The following THBS2 variants were observed in gnomAD, a reference collection of about 807,000 sequenced individuals.
THBS2 encodes the protein thrombospondin 2.
Under a neutral mutation model 135.2 loss-of-function variants are expected in THBS2, and 47 were observed. That is an observed-to-expected ratio of 0.35 (90% confidence interval 0.28 to 0.44). THBS2 has a LOEUF of 0.44. THBS2 is among the 20% of genes least tolerant of loss of function. The pLI, the probability that THBS2 is intolerant of heterozygous loss-of-function variation, is 1.00. For synonymous variants in THBS2, 639 were observed against 633.8 expected (o/e 1.01, Z -0.12); for missense variants, 1,288 against 1,603.1 (o/e 0.80, Z 3.36).
Position 169,231,483 on chromosome 6 carries a change from C to T in THBS2, c.2151+497G>A, listed in dbSNP as rs80072046. Reference sequence around the variant, plus strand: ...TCCCGGGCCGTGGTGTTCGTTCCAGCGGCCACAGGAAAGCAGTCCAGCCTG... The same window carrying T: ...TCCCGGGCCGTGGTGTTCGTTCCAGTGGCCACAGGAAAGCAGTCCAGCCTG... On this transcript the variant is annotated intron_variant, in intron 13 of 21. Transcript: ENST00000617924. 6.5e-3 allele frequency among the ~76,000 whole-genome samples: 995 copies of T among 152,302 alleles called. 5 individuals carry two copies. Among genetic ancestry groups the T allele is most frequent in the Non-Finnish European group, 0.01 (714 of 68,016 alleles).
chr6:169,237,598 C>T (rs777599249), intron 8 of THBS2, 27 bp downstream of exon 8: 26 of 1,610,110 alleles, frequency 1.6e-5, no homozygotes, highest in South Asian at 8.8e-5. Flanking sequence ...CCCACAGGCA[C>T]GCGGGTGTCA....
chr6:169,237,555 G>A (rs375616796), intron 8 of THBS2, 70 bp downstream of exon 8: 1 of 1,598,538 alleles, frequency 6.3e-7, no homozygotes, highest in Admixed American at 1.7e-5. Flanking sequence ...CCCTTGCAAA[G>A]GTCCCGATGA....
intron 20 of THBS2, 115 bp downstream of exon 20, chr6:169,221,315 C>A: frequency 1.1e-6 from 1 of 873,186 alleles, no homozygotes; most frequent in Non-Finnish European, 1.9e-6. Flanking sequence ...ACGAAGAATC[C>A]AGAGTAAAAC....
At chr6:169,242,675 C>A (rs1438389705) in intron 4 of THBS2, among the ~76,000 whole-genome samples, 1 of 60,534 alleles carries the variant, frequency 1.7e-5, no homozygotes, top group Non-Finnish European at 3.3e-5. Context: ...ACCACTCCCA[C>A]CTTCCCACCT....
intron 9 of THBS2, among the ~76,000 whole-genome samples, chr6:169,236,334 C>T (rs1221228925): frequency 3.4e-5 from 4 of 119,350 alleles, no homozygotes; most frequent in East Asian, 3.4e-4. Context: ...CTCCCCCATC[C>T]ACACTCACTC....
Position 169,225,239 on chromosome 6 carries a change from G to A in THBS2, c.2679C>T (p.Gly893=), listed in dbSNP as rs760152665. The change falls in exon 17 of 22, where the codon GGC becomes GGT. Residue 893 remains glycine (G), a synonymous_variant. Coordinates refer to ENST00000617924, the MANE Select transcript of THBS2 (RefSeq NM_003247.5). ...NQADHDRDGQ[G]DACDPDDDND... ...TGTCATCATCAGGGTCACAGGCGTC[G>A]CCCTGGCCGTCTCTGTCATGGTCAG... 19 of 1,613,596 alleles carry A rather than the reference G, an allele frequency of 1.2e-5. No individual in the cohort carries two copies. Among genetic ancestry groups the A allele is most frequent in the African/African-American group, 5.3e-5 (4 of 74,922 alleles).
At chr6:169,238,355 C>T (rs777836649) in intron 7 of THBS2, among the ~76,000 whole-genome samples, 8 of 152,142 alleles carry the variant, frequency 5.3e-5, no homozygotes, top group Non-Finnish European at 1.2e-4. Flanking sequence ...GGGGAAAGAG[C>T]AACCTGACGC....
In THBS2 at chr6:169,248,816, G is replaced by T; in HGVS notation, c.210C>A (p.Asp70Glu). The stretch of plus-strand genomic sequence containing the variant: ...GCATGATCTTGGTGATCTTGCTGAG[G>T]TCATCTGCGTTCACCGGTGGGATGT... ...FDYIPPVNAD[D>E]LSKITKIMRQ... Residue 70 changes from aspartate to glutamate, a missense_variant, in exon 3 of 22, where the codon GAC becomes GAA. Transcript: ENST00000617924. 4 of 1,610,900 alleles carry T rather than the reference G, an allele frequency of 2.5e-6. No homozygotes were observed. Among genetic ancestry groups the T allele is most frequent in the Non-Finnish European group, 2.5e-6 (3 of 1,180,018 alleles).
At position 169,241,748 on chromosome 6, in the gene THBS2, G is replaced by A. The variant is rs1562362508; in HGVS notation, c.891+14C>T. Reference sequence around the variant, plus strand: ...ATGCCCTATGACCCCCGCGGCCCCTGCGTGAGTACCCACCACTCTCTTGAG... The same window carrying A: ...ATGCCCTATGACCCCCGCGGCCCCTACGTGAGTACCCACCACTCTCTTGAG... On this transcript the variant is annotated intron_variant, in intron 5 of 21. Coordinates refer to ENST00000617924, the MANE Select transcript of THBS2 (RefSeq NM_003247.5). The surrounding 1 kb of genome is among the most constrained non-coding windows in gnomAD (Gnocchi z 5.5). 1 of 1,592,658 alleles carries A rather than the reference G, an allele frequency of 6.3e-7. No homozygotes were observed.
chr6:169,219,669 T>C (rs1779350047), intron 21 of THBS2: 1 of 429,868 alleles, frequency 2.3e-6, no homozygotes, highest in African/African-American at 2.0e-5. Flanking sequence ...CAATGTGTGA[T>C]TCTTGAGAAG....
In THBS2 at chr6:169,225,512, C is replaced by G. The variant is rs116372348; in HGVS notation, c.2539-133G>C. The G allele has an allele frequency of 4.5e-6, 4 of 890,032 alleles. No individual in the cohort carries two copies. The Admixed American group carries it at 9.2e-5, about 21-fold the overall frequency. The allele number at this position is 890,032 out of a possible 1,614,324, so 55.1% of individuals were successfully genotyped here. A position where few individuals can be genotyped will look rare whatever the true frequency, so the allele number is the denominator to read the frequency against. ...AAGCCCCAGGGCCACGCAGGGGCGG[C>G]TGGCCCGAGGTCACACTGACCCTGA... On this transcript the variant is annotated intron_variant, in intron 16 of 21. Transcript: ENST00000617924.
chr6:169,242,974 T>C (rs1780401338), intron 4 of THBS2, among the ~76,000 whole-genome samples: 1 of 119,030 alleles, frequency 8.4e-6, no homozygotes, highest in Admixed American at 8.3e-5. Context: ...TGCTCCCACC[T>C]TCCCACCTTC....
chr6:169,216,612 C>G lies in THBS2; in HGVS notation c.*1210G>C, dbSNP rs1779181397. On this transcript the variant is annotated 3_prime_UTR_variant, in exon 22 of 22. Coordinates refer to ENST00000617924, the MANE Select transcript of THBS2 (RefSeq NM_003247.5). ...CTGGCAACATTATATATTTAAGGTT[C>G]CATCATAAACTCCTCATTATTCTCT... 6.6e-6 allele frequency: 1 copy of G among 152,112 alleles called. No homozygotes were observed. The highest frequency in any genetic ancestry group is 6.5e-5 in the Admixed American group (1 of 15,270). 9.4% of individuals were successfully genotyped at this position (152,112 alleles called of 1,614,324 possible).
In THBS2 at chr6:169,252,225, C is replaced by A. The variant is rs1467104642; in HGVS notation, c.-22-1419G>T. Reference sequence around the variant, plus strand: ...AGTAATAATGGTGGTGCTGATAGGGCCTTTCTATGGAGCTCTTAAGAGGGT... The same window carrying A: ...AGTAATAATGGTGGTGCTGATAGGGACTTTCTATGGAGCTCTTAAGAGGGT... On this transcript the variant is annotated intron_variant, in intron 1 of 21. Transcript: ENST00000617924. The surrounding 1 kb of genome is among the most constrained non-coding windows in gnomAD (Gnocchi z 4.3). The A allele has an allele frequency of 6.6e-6, 1 of 152,152 alleles. No individual in the cohort carries two copies. The highest frequency in any genetic ancestry group is 1.5e-5 in the Non-Finnish European group (1 of 68,088). 9.4% of individuals were successfully genotyped at this position (152,152 alleles called of 1,614,324 possible). A position where few individuals can be genotyped will look rare whatever the true frequency, so the allele number is the denominator to read the frequency against.
At chr6:169,232,633 G>C (rs191564153) in intron 12 of THBS2, 31 bp downstream of exon 12, 11 of 1,564,736 alleles carry the variant, frequency 7.0e-6, no homozygotes, top group African/African-American at 1.4e-5. Flanking sequence ...AAAGCCGCTC[G>C]CAACACACAA....
intron 9 of THBS2, among the ~76,000 whole-genome samples, chr6:169,236,132 ACCATCCACACTCACTCC>A (rs11272838): frequency 0.22 from 7,910 of 36,360 alleles, 1,191 homozygotes; most frequent in East Asian, 0.35. Context: ...CCCCTTAAAC[ACCATCCACACTCACTCC>A]CCATCCACAC....
intron 8 of THBS2, 44 bp from the exon 9 acceptor site, chr6:169,237,390 G>T: frequency 6.2e-7 from 1 of 1,609,180 alleles, no homozygotes. Context: ...CCGCCTAGAG[G>T]GGTATTTGCC....
At chr6:169,250,141 T>G (rs1328620978) in intron 2 of THBS2, among the ~76,000 whole-genome samples, 1 of 152,194 alleles carries the variant, frequency 6.6e-6, no homozygotes, top group Non-Finnish European at 1.5e-5. Flanking sequence ...CTGACAGAAG[T>G]GGGCAATGGA....
intron 9 of THBS2, 149 bp downstream of exon 9, chr6:169,237,021 C>A (rs956589700): frequency 1.1e-6 from 1 of 879,006 alleles, no homozygotes; most frequent in Non-Finnish European, 1.7e-6. Flanking sequence ...CGAGCCAGGC[C>A]CGGGATGGCA....
Sources: allele counts gnomAD v4.1 joint callset (sites outside exome capture counted in the v4.1 genomes callset), GRCh38; gene constraint gnomAD v4.1.1; non-coding constraint Gnocchi (gnomAD v3.1); transcripts MANE v1.5; gene names NCBI Gene and HGNC (gene_info 2026-07-23, HGNC 2026-07-21).